The following ABCC1 variants were observed in gnomAD, a reference collection of about 807,000 sequenced individuals.
The protein encoded by ABCC1 is multidrug resistance-associated protein 1.
In ABCC1, 83 loss-of-function variants were observed where a neutral mutation model predicts 172.9. The ratio of observed to expected loss-of-function variants is 0.48; its 90% CI spans 0.40 to 0.58. The LOEUF (loss-of-function observed/expected upper bound fraction) is 0.58. Ranked by LOEUF, ABCC1 falls within the 20% of genes least tolerant of loss-of-function variation. ABCC1 has a pLI of 0.00. For missense variants in ABCC1, 1,817 were observed against 2,002.7 expected (o/e 0.91, Z 1.77); for synonymous variants, 937 against 825.2 (o/e 1.14, Z -2.32).
At chr16:15,976,708 A>C (rs1241130241) in intron 1 of ABCC1, among the ~76,000 whole-genome samples, 2 of 152,224 alleles carry the variant, frequency 1.3e-5, no homozygotes, top group African/African-American at 4.8e-5. Context: ...GATGATGACA[A>C]TAGCCATAGT....
chr16:16,074,468 G>T (rs1005122290), intron 14 of ABCC1, among the ~76,000 whole-genome samples: 1 of 152,092 alleles, frequency 6.6e-6, no homozygotes, highest in Non-Finnish European at 1.5e-5. Context: ...GCGGTGGGTG[G>T]GGGGTGGTTT....
intron 26 of ABCC1, 29 bp from the exon 27 acceptor site, chr16:16,131,760 C>A (rs1306716212): frequency 3.1e-6 from 5 of 1,608,366 alleles, no homozygotes; most frequent in Non-Finnish European, 2.5e-6. Context: ...CTGGAAATTC[C>A]TTACTCTCTC....
At chr16:16,115,803 A>ATT (rs2044834454) in intron 23 of ABCC1, among the ~76,000 whole-genome samples, 1 of 152,132 alleles carries the variant, frequency 6.6e-6, no homozygotes, top group Admixed American at 6.6e-5. Flanking sequence ...CAGGGCTGGT[A>ATT]TGGCAGCTTC....
intron 1 of ABCC1, among the ~76,000 whole-genome samples, chr16:15,986,169 G>T (rs188802787): frequency 0.066 from 9,894 of 150,960 alleles, 355 homozygotes; most frequent in Middle Eastern, 0.12. Context: ...TCCTGACCCC[G>T]GGTGATCTAC....
chr16:16,022,290 C>T (rs888125663), intron 5 of ABCC1, among the ~76,000 whole-genome samples: 3 of 152,128 alleles, frequency 2.0e-5, no homozygotes, highest in African/African-American at 7.2e-5. Context: ...GCCCTGGCTG[C>T]TTGGTGGGGC....
chr16:16,010,037 C>CTTGTTTTTTTTTTTTT (rs2047717439), intron 3 of ABCC1, 136 bp downstream of exon 3: 1 of 100,498 alleles, frequency 1.0e-5, no homozygotes, highest in Non-Finnish European at 1.6e-5. Context: ...TAAATGTAGC[C>CTTGTTTTTTTTTTTTT]TTTTTTTTTT....
chr16:15,991,730 T>G (rs1398634313), intron 1 of ABCC1, among the ~76,000 whole-genome samples: 1 of 152,104 alleles, frequency 6.6e-6, no homozygotes, highest in African/African-American at 2.4e-5. Context: ...ACCTTTCTCC[T>G]AGAGTTACGG....
chr16:16,134,540 C>T (rs768318139), intron 28 of ABCC1, 32 bp downstream of exon 28: 2 of 1,611,540 alleles, frequency 1.2e-6, no homozygotes, highest in Non-Finnish European at 1.7e-6. Flanking sequence ...GGGGGTGAGC[C>T]AGAGCTGGCA....
At chr16:16,079,104 C>T (rs1032185836) in intron 15 of ABCC1, among the ~76,000 whole-genome samples, 1 of 152,206 alleles carries the variant, frequency 6.6e-6, no homozygotes, top group Non-Finnish European at 1.5e-5. Flanking sequence ...CCTCAGGTTA[C>T]TCCCTGCCTC....
intron 19 of ABCC1, among the ~76,000 whole-genome samples, chr16:16,096,536 C>CG (rs1176385311): frequency 6.6e-6 from 1 of 152,114 alleles, no homozygotes; most frequent in Non-Finnish European, 1.5e-5. Context: ...CCTCAGAGGC[C>CG]GGATTTCTTC....
intron 3 of ABCC1, 69 bp downstream of exon 3, chr16:16,009,970 G>T (rs957155225): frequency 1.6e-6 from 2 of 1,244,234 alleles, no homozygotes; most frequent in East Asian, 3.5e-5. Context: ...GTAATAACTC[G>T]TAAGACTAGA....
At chr16:16,077,263 GA>G (rs2050611655) in intron 15 of ABCC1, among the ~76,000 whole-genome samples, 1 of 152,168 alleles carries the variant, frequency 6.6e-6, no homozygotes, top group Non-Finnish European at 1.5e-5. Context: ...TATGATGAAG[GA>G]GAGAAACTCT....
intron 7 of ABCC1, among the ~76,000 whole-genome samples, chr16:16,042,176 T>G (rs1222422381): frequency 1.1e-5 from 1 of 89,416 alleles, no homozygotes. Context: ...TTTGGCAGTT[T>G]TTTTTTTTTT....
Position 16,131,832 on chromosome 16 carries a change from C to T in ABCC1, c.3863C>T (p.Pro1288Leu). The change falls in exon 27 of 31, where the codon CCC (proline) becomes CTC (leucine). Residue 1288 changes from proline (P) to leucine (L), a missense_variant. Transcript: ENST00000399410. ...IQETAPPSSW[P>L]QVGRVEFRNY... ...GAGACAGCTCCGCCCAGCAGCTGGC[C>T]CCAGGTGGGCCGAGTGGAATTCCGG... 1 of 1,614,146 alleles carries T rather than the reference C, an allele frequency of 6.2e-7. No individual in the cohort carries two copies. The highest frequency in any genetic ancestry group is 8.5e-7 in the Non-Finnish European group (1 of 1,180,018).
chr16:15,955,693 C>G (rs549446853), intron 1 of ABCC1, among the ~76,000 whole-genome samples: 6 of 152,296 alleles, frequency 3.9e-5, no homozygotes, highest in African/African-American at 1.4e-4. Flanking sequence ...GCATCCCGTT[C>G]TTTCCCTCCA....
chr16:15,998,140 G>C (rs1294282956), intron 1 of ABCC1, among the ~76,000 whole-genome samples: 1 of 143,726 alleles, frequency 7.0e-6, no homozygotes, highest in Non-Finnish European at 1.5e-5. Flanking sequence ...TTGTTTCTTT[G>C]AGACAGTCTC....
At chr16:16,012,855 G>C (rs1026384226) in intron 3 of ABCC1, among the ~76,000 whole-genome samples, 2 of 151,882 alleles carry the variant, frequency 1.3e-5, no homozygotes, top group South Asian at 2.1e-4. Flanking sequence ...GCTAATTTTT[G>C]TATTTTTAGT....
intron 27 of ABCC1, among the ~76,000 whole-genome samples, chr16:16,132,511 T>TTTTTTTTTTTG (rs2045737816): frequency 5.2e-5 from 1 of 19,284 alleles, no homozygotes; most frequent in Non-Finnish European, 1.4e-4. Context: ...TGGTTGGTTG[T>TTTTTTTTTTTG]TTTTTTTTTT....
At chr16:16,111,788 A>G (rs1290741959) in intron 22 of ABCC1, among the ~76,000 whole-genome samples, 1 of 152,154 alleles carries the variant, frequency 6.6e-6, no homozygotes, top group African/African-American at 2.4e-5. Flanking sequence ...CCTTGGTGGT[A>G]GACGGGAGGA....
Sources: gnomAD v4.1 joint callset for allele counts (sites outside exome capture counted in the v4.1 genomes callset) on GRCh38, gnomAD v4.1.1 for gene constraint, MANE v1.5 for transcripts, NCBI Gene and HGNC (gene_info 2026-07-23, HGNC 2026-07-21) for gene names.